PITPNC1: variants seen among roughly 807,000 people sequenced by gnomAD.
PITPNC1 encodes the protein cytoplasmic phosphatidylinositol transfer protein 1.
A neutral mutation model predicts 44.7 loss-of-function variants in PITPNC1; 18 were observed. The observed-to-expected ratio is 0.40, with a 90% confidence interval of 0.28 to 0.60. The LOEUF is 0.60. Ranked by LOEUF, PITPNC1 falls within the 20% of genes least tolerant of loss-of-function variation. The probability of loss-of-function intolerance (pLI) is 0.39; values close to 1 mark genes in which losing one functional copy is unlikely to be tolerated. For synonymous variants in PITPNC1, 141 were observed against 149.6 expected, an observed-to-expected ratio of 0.94 and a Z score of 0.42; for missense variants, 290 against 418.4, an observed-to-expected ratio of 0.69 and a Z score of 2.68.
At chr17:67,582,792 G>T (rs923921040) in intron 5 of PITPNC1, among the ~76,000 whole-genome samples, 2 of 152,192 alleles carry the variant, frequency 1.3e-5, no homozygotes, top group South Asian at 2.1e-4. Context: ...GGACGGCACC[G>T]TGCCAAGGTA....
chr17:67,622,013 T>G (rs2041835767), intron 5 of PITPNC1, among the ~76,000 whole-genome samples: 1 of 152,190 alleles, frequency 6.6e-6, no homozygotes, highest in South Asian at 2.1e-4. Flanking sequence ...CTCACTCCTG[T>G]AATCCCAGCA....
chr17:67,471,077 G>A (rs2039520067), intron 1 of PITPNC1, among the ~76,000 whole-genome samples: 1 of 124,294 alleles, frequency 8.0e-6, no homozygotes, highest in African/African-American at 3.2e-5. Flanking sequence ...GAAGGCCGCA[G>A]GGTCCTCTGC....
chr17:67,478,632 A>C (rs1183930047), intron 1 of PITPNC1, among the ~76,000 whole-genome samples: 1 of 152,120 alleles, frequency 6.6e-6, no homozygotes, highest in Non-Finnish European at 1.5e-5. Context: ...CCAAACTTTG[A>C]AAAAACAAGG....
chr17:67,638,599 A>AG (rs111273359), intron 6 of PITPNC1: 12 of 152,386 alleles, frequency 7.9e-5, no homozygotes, highest in African/African-American at 2.6e-4. Flanking sequence ...TAGTCAAGGA[A>AG]GTAGAAGTAG....
At chr17:67,601,711 C>T (rs542667551) in intron 5 of PITPNC1, among the ~76,000 whole-genome samples, 109 of 152,124 alleles carry the variant, frequency 7.2e-4, no homozygotes, top group Admixed American at 1.3e-3. Flanking sequence ...GCCATGATTG[C>T]GCCACTGCAC....
chr17:67,416,395 TA>T (rs199910971), intron 1 of PITPNC1, among the ~76,000 whole-genome samples: 2,963 of 151,896 alleles, frequency 0.02, 39 homozygotes, highest in Middle Eastern at 0.044. Context: ...TTTTTGTTTT[TA>T]GTAGAGATGG....
At chr17:67,677,885 A>T (rs937743623) in intron 8 of PITPNC1, among the ~76,000 whole-genome samples, 12 of 151,644 alleles carry the variant, frequency 7.9e-5, no homozygotes, top group African/African-American at 2.7e-4. Flanking sequence ...GACTTCTAAT[A>T]AAAGACTTAG....
intron 5 of PITPNC1, among the ~76,000 whole-genome samples, chr17:67,591,858 C>T (rs932927841): frequency 6.6e-6 from 1 of 151,458 alleles, no homozygotes; most frequent in Non-Finnish European, 1.5e-5. Flanking sequence ...TACAGGAGCA[C>T]ATCACCATGC....
At chr17:67,654,367 G>T (rs1470657263) in intron 6 of PITPNC1, among the ~76,000 whole-genome samples, 1 of 152,180 alleles carries the variant, frequency 6.6e-6, no homozygotes, top group African/African-American at 2.4e-5. Flanking sequence ...TATTTGAGAT[G>T]ATCAGCATTT....
Position 67,567,716 on chromosome 17 carries a change from T to G in PITPNC1, c.295-10470T>G, listed in dbSNP as rs561078167. On this transcript the variant is annotated intron_variant, in intron 4 of 8. Coordinates refer to ENST00000581322, the MANE Select transcript of PITPNC1 (RefSeq NM_012417.4). ...ATGGCCGGGCGCAGTGGCTCACACC[T>G]GTAATCCCAGCACTTTGGGAGGCCG... Among the ~76,000 whole-genome samples, 4 of 152,218 alleles carry G rather than the reference T, an allele frequency of 2.6e-5. 1 individual carries two copies. The South Asian group carries it at 8.3e-4, about 32-fold the overall frequency.
At chr17:67,442,864 A>G (rs1488350203) in intron 1 of PITPNC1, among the ~76,000 whole-genome samples, 3 of 151,538 alleles carry the variant, frequency 2.0e-5, no homozygotes, top group Non-Finnish European at 4.4e-5. Context: ...CAGAAAAACT[A>G]AAAAAAATGC....
chr17:67,403,218 C>CAAAAAAAAAAAAAAAAAAAAAAA lies in PITPNC1; in HGVS notation c.48+25017_48+25039dup, dbSNP rs34768084. Among the ~76,000 whole-genome samples the CAAAAAAAAAAAAAAAAAAAAAAA allele has an allele frequency of 4.4e-5, 3 of 68,962 alleles. 1 individual carries two copies. Among genetic ancestry groups the CAAAAAAAAAAAAAAAAAAAAAAA allele is most frequent in the African/African-American group, 1.6e-4 (3 of 19,118 alleles). 45.2% of individuals were successfully genotyped at this position (68,962 alleles called of 152,430 possible). ...GGCAACACAGTGGACCTCATCTCTA[C>CAAAAAAAAAAAAAAAAAAAAAAA]AAAAAAAAAAAAAAAAAAAAAAAGT... On this transcript the variant is annotated intron_variant, in intron 1 of 8. Coordinates refer to ENST00000581322, the MANE Select transcript of PITPNC1 (RefSeq NM_012417.4).
At position 67,625,878 on chromosome 17, in the gene PITPNC1, C is replaced by T. The variant is rs1052212948; in HGVS notation, c.367-6265C>T. Among the ~76,000 whole-genome samples, 4 of 152,086 alleles carry T rather than the reference C, an allele frequency of 2.6e-5. No individual in the cohort carries two copies. In the East Asian group the frequency reaches 7.7e-4, roughly 29 times the overall value. ...TCTCTGATGATCAGATGAAAGTGGT[C>T]GAACTCTCTTTCCAGAAAAATACGC... On this transcript the variant is annotated intron_variant, in intron 5 of 8. Transcript: ENST00000581322.
rs141967183 is a variant in PITPNC1 at position 67,416,702 on chromosome 17, G to C, written c.48+38500G>C. Among the ~76,000 whole-genome samples, 480 of 152,254 alleles carry C rather than the reference G, an allele frequency of 3.2e-3. 4 individuals carry two copies. The highest frequency in any genetic ancestry group is 0.011 in the African/African-American group (467 of 41,538). Reference sequence around the variant, plus strand: ...AGAAGTACAATTTTTGCTGAACCACGTTCCTCTTTTATGCAACTTGGCACC... The same window carrying C: ...AGAAGTACAATTTTTGCTGAACCACCTTCCTCTTTTATGCAACTTGGCACC... On this transcript the variant is annotated intron_variant, in intron 1 of 8. Coordinates refer to ENST00000581322, the MANE Select transcript of PITPNC1 (RefSeq NM_012417.4).
At chr17:67,438,615 T>TG (rs2038969874) in intron 1 of PITPNC1, among the ~76,000 whole-genome samples, 2 of 152,308 alleles carry the variant, frequency 1.3e-5, no homozygotes, top group African/African-American at 4.8e-5. Flanking sequence ...CGTGCCCAGC[T>TG]GGGCCTAAGT....
At chr17:67,615,311 A>G (rs992622567) in intron 5 of PITPNC1, among the ~76,000 whole-genome samples, 7 of 152,234 alleles carry the variant, frequency 4.6e-5, no homozygotes, top group Admixed American at 2.6e-4. Flanking sequence ...TTTTTGGGCT[A>G]GTGCCCATTC....
At chr17:67,588,106 C>A (rs894318228) in intron 5 of PITPNC1, among the ~76,000 whole-genome samples, 1 of 152,144 alleles carries the variant, frequency 6.6e-6, no homozygotes, top group Non-Finnish European at 1.5e-5. Context: ...CAGGTTCAAA[C>A]GATTCTATTG....
chr17:67,461,913 T>G (rs1393950256), intron 1 of PITPNC1, among the ~76,000 whole-genome samples: 2 of 152,184 alleles, frequency 1.3e-5, no homozygotes, highest in South Asian at 2.1e-4. Flanking sequence ...CTGGACTATT[T>G]GATGACTTGC....
intron 6 of PITPNC1, among the ~76,000 whole-genome samples, chr17:67,640,834 C>CA (rs575749370): frequency 6.7e-6 from 1 of 150,320 alleles, no homozygotes; most frequent in Non-Finnish European, 1.5e-5. Context: ...TACTAAAATA[C>CA]AAAAAATTAG....
Sources: gnomAD v4.1 joint callset for allele counts (sites outside exome capture counted in the v4.1 genomes callset) on GRCh38, gnomAD v4.1.1 for gene constraint, MANE v1.5 for transcripts, NCBI Gene and HGNC (gene_info 2026-07-23, HGNC 2026-07-21) for gene names.